Variants in PALD1 observed in about 807,000 individuals in gnomAD.
The protein encoded by PALD1 is paladin.
In PALD1, 57 loss-of-function variants were observed where a neutral mutation model predicts 96.0. That is an observed-to-expected ratio of 0.59 (90% CI 0.48 to 0.74). The LOEUF (loss-of-function observed/expected upper bound fraction) is 0.74. Among genes scored for constraint, PALD1 ranks in the 30% least tolerant of loss-of-function variants. The pLI, the probability that PALD1 is intolerant of heterozygous loss-of-function variation, is 0.00. For missense variants in PALD1, 1,063 were observed against 1,143.7 expected (o/e 0.93, Z 1.02); for synonymous variants, 464 against 473.6 (o/e 0.98, Z 0.26).
chr10:70,511,360 G>T (rs1846514131), intron 1 of PALD1, among the ~76,000 whole-genome samples: 1 of 152,160 alleles, frequency 6.6e-6, no homozygotes, highest in Admixed American at 6.5e-5. Flanking sequence ...CCAGGCTGTG[G>T]CTTCAAGGGC....
At chr10:70,485,010 A>G (rs1366511871) in intron 1 of PALD1, among the ~76,000 whole-genome samples, 1 of 152,226 alleles carries the variant, frequency 6.6e-6, no homozygotes, top group African/African-American at 2.4e-5. Context: ...GAATATGGAA[A>G]GAAATCCCAT....
intron 1 of PALD1, among the ~76,000 whole-genome samples, chr10:70,493,766 C>T (rs945184666): frequency 2.6e-5 from 4 of 152,328 alleles, no homozygotes; most frequent in East Asian, 1.9e-4. Context: ...GGATGCACGG[C>T]GAGCCATGTC....
chr10:70,495,168 G>A lies in PALD1; in HGVS notation c.-30+16109G>A, dbSNP rs576710260. Among the ~76,000 whole-genome samples the A allele has an allele frequency of 8.5e-5, 13 of 152,364 alleles. No homozygotes were observed. The East Asian group carries it at 1.9e-3, about 23-fold the overall frequency. On this transcript the variant is annotated intron_variant, in intron 1 of 19. Coordinates refer to ENST00000263563, the MANE Select transcript of PALD1 (RefSeq NM_014431.3). ...TGCTGCCGGGCATGTGTCTTCACAC[G>A]GCCGGGGCCTTCCTGTCTTCATACG...
intron 10 of PALD1, 84 bp downstream of exon 10, chr10:70,534,927 T>C: frequency 1.0e-6 from 1 of 955,584 alleles, no homozygotes; most frequent in East Asian, 2.6e-5. Context: ...ACTGGTTTCT[T>C]TCAGACTGAC....
At chr10:70,519,774 C>T (rs980201372) in intron 1 of PALD1, among the ~76,000 whole-genome samples, 5 of 151,764 alleles carry the variant, frequency 3.3e-5, no homozygotes, top group Non-Finnish European at 7.4e-5. Context: ...GGGGTTTCGC[C>T]ATGTTGGCCA....
chr10:70,472,449 T>G, the PALD1 span, among the ~76,000 whole-genome samples: 19 of 151,942 alleles, frequency 1.3e-4, no homozygotes, highest in Admixed American at 5.9e-4. Context: ...TTAGTAGAGA[T>G]GGGGTTTCAC....
At position 70,538,959 on chromosome 10, in the gene PALD1, G is replaced by A. The variant is rs1847174281; in HGVS notation, c.1520G>A (p.Arg507Gln). The A allele has an allele frequency of 1.2e-6, 2 of 1,613,842 alleles. No homozygotes were observed. Among genetic ancestry groups the A allele is most frequent in the Non-Finnish European group, 1.7e-6 (2 of 1,179,978 alleles). ...TVREMDVANFRRVPRMPIYGT... is the reference protein window; with the variant it reads ...TVREMDVANFQRVPRMPIYGT... ...AGAGAGATGGATGTGGCCAACTTCC[G>A]GCGGGTGCCCCGCATGCCCATCTAC... The change falls in exon 13 of 20, where the codon CGG becomes CAG. Residue 507 changes from arginine to glutamine, a missense_variant. By Grantham distance (43) the Arg-to-Gln change is conservative (BLOSUM62 1). Transcript: ENST00000263563.
At chr10:70,504,622 CTG>C (rs1456985540) in intron 1 of PALD1, among the ~76,000 whole-genome samples, 1 of 152,168 alleles carries the variant, frequency 6.6e-6, no homozygotes, top group African/African-American at 2.4e-5. Context: ...TGGAAAATAA[CTG>C]TATGTTCCAA....
chr10:70,529,100 T>C (rs1048652121), intron 2 of PALD1, 129 bp from the exon 3 acceptor site: 14 of 610,180 alleles, frequency 2.3e-5, no homozygotes, highest in African/African-American at 3.7e-5. Context: ...TGAGGGACAA[T>C]GGGCAGTCTC....
chr10:70,537,181 C>A (rs904103815), intron 10 of PALD1, among the ~76,000 whole-genome samples: 4 of 151,970 alleles, frequency 2.6e-5, no homozygotes, highest in African/African-American at 9.7e-5. Flanking sequence ...GATCATAGCT[C>A]ACTGGAGCCT....
chr10:70,517,690 C>G (rs1284597147), intron 1 of PALD1, among the ~76,000 whole-genome samples: 1 of 152,002 alleles, frequency 6.6e-6, no homozygotes, highest in Non-Finnish European at 1.5e-5. Flanking sequence ...GTTGTGTGGC[C>G]ACCACATTCA....
intron 1 of PALD1, among the ~76,000 whole-genome samples, chr10:70,513,718 T>C (rs906016289): frequency 6.6e-6 from 1 of 152,194 alleles, no homozygotes; most frequent in Non-Finnish European, 1.5e-5. Flanking sequence ...ATCCAGCATA[T>C]ACTCCATCCT....
rs1847202853 is a variant in PALD1 at position 70,539,773 on chromosome 10, T to C, written c.1908+11T>C. 1.1e-5 allele frequency: 17 copies of C among 1,603,388 alleles called. No individual in the cohort carries two copies. Among genetic ancestry groups the C allele is most frequent in the Non-Finnish European group, 1.4e-5 (16 of 1,177,118 alleles). On this transcript the variant is annotated intron_variant, in intron 15 of 19. Coordinates refer to ENST00000263563, the MANE Select transcript of PALD1 (RefSeq NM_014431.3). This position sits in a 1 kb window ranked among gnomAD's most constrained non-coding sequence, Gnocchi z 4.5. ...GCCCCCCGAGAGGAGGTGAGGGTGCTGCTCAGGCTGAGGCCTCTGGGGAGG... is the reference window on the plus strand; with the variant it reads ...GCCCCCCGAGAGGAGGTGAGGGTGCCGCTCAGGCTGAGGCCTCTGGGGAGG...
At chr10:70,506,380 G>A (rs541984134) in intron 1 of PALD1, among the ~76,000 whole-genome samples, 5 of 152,196 alleles carry the variant, frequency 3.3e-5, no homozygotes, top group Non-Finnish European at 7.3e-5. Context: ...TAGTGCTGCG[G>A]TGAGAATCCT....
In PALD1 at chr10:70,555,562, G is replaced by A. The variant is rs79814661; in HGVS notation, c.2262+8116G>A. Among the ~76,000 whole-genome samples, 1,184 of 152,328 alleles carry A rather than the reference G, an allele frequency of 7.8e-3. 24 individuals carry two copies. The highest frequency in any genetic ancestry group is 0.033 in the Admixed American group (502 of 15,304). ...CTACTGTGTGACTGCCTGGGTTGGTGCAGAGTTGGTCCTGCGACCAAAGGA... is the reference window on the plus strand; with the variant it reads ...CTACTGTGTGACTGCCTGGGTTGGTACAGAGTTGGTCCTGCGACCAAAGGA... On this transcript the variant is annotated intron_variant, in intron 18 of 19. Transcript: ENST00000263563.
At chr10:70,554,720 C>T (rs1211055678) in intron 18 of PALD1, among the ~76,000 whole-genome samples, 2 of 151,902 alleles carry the variant, frequency 1.3e-5, no homozygotes, top group Admixed American at 6.5e-5. Context: ...TGCCTGGTGA[C>T]GTTAATTCTT....
chr10:70,497,959 T>A (rs1285621567), intron 1 of PALD1, among the ~76,000 whole-genome samples: 2 of 152,188 alleles, frequency 1.3e-5, no homozygotes, highest in South Asian at 4.1e-4. Context: ...TTTGGGCGTT[T>A]AAAATTGTAT....
intron 1 of PALD1, among the ~76,000 whole-genome samples, chr10:70,488,516 A>G (rs544230463): frequency 1.3e-5 from 2 of 152,352 alleles, no homozygotes; most frequent in South Asian, 4.1e-4. Flanking sequence ...TGGTCCCCGT[A>G]GGTAACACTG....
chr10:70,540,322 G>C lies in PALD1; in HGVS notation c.1908+560G>C, dbSNP rs922169878. On this transcript the variant is annotated intron_variant, in intron 15 of 19. Coordinates refer to ENST00000263563, the MANE Select transcript of PALD1 (RefSeq NM_014431.3). This position sits in a 1 kb window ranked among gnomAD's most constrained non-coding sequence, Gnocchi z 4.2. ...GTGCATGTCTTTTTATGGAGTTTGT[G>C]ATGTCTCCCTTGTCTGTATTGGGGG... Among the ~76,000 whole-genome samples, 1 of 151,654 alleles carries C rather than the reference G, an allele frequency of 6.6e-6. No individual in the cohort carries two copies. Among genetic ancestry groups the C allele is most frequent in the African/African-American group, 2.4e-5 (1 of 41,228 alleles).
Sources: allele counts gnomAD v4.1 joint callset (sites outside exome capture counted in the v4.1 genomes callset), GRCh38; gene constraint gnomAD v4.1.1; non-coding constraint Gnocchi (gnomAD v3.1); transcripts MANE v1.5; gene names NCBI Gene and HGNC (gene_info 2026-07-23, HGNC 2026-07-21).